The following TCF12 variants were observed in gnomAD, a reference collection of about 807,000 sequenced individuals.
TCF12 encodes the protein transcription factor 12.
A neutral mutation model predicts 86.0 loss-of-function variants in TCF12; 45 were observed. That is an observed-to-expected ratio of 0.52 (90% CI 0.41 to 0.67). The LOEUF is 0.67. TCF12 is among the 30% of genes least tolerant of loss of function. The probability of loss-of-function intolerance (pLI) is 0.00; values close to 1 mark genes in which losing one functional copy is unlikely to be tolerated. For synonymous variants in TCF12, 330 were observed against 299.6 expected, an observed-to-expected ratio of 1.10 and a Z score of -1.05; for missense variants, 881 against 859.9, an observed-to-expected ratio of 1.02 and a Z score of -0.31.
intron 5 of TCF12, among the ~76,000 whole-genome samples, chr15:57,165,626 TC>T (rs2054835374): frequency 6.6e-6 from 1 of 151,804 alleles, no homozygotes; most frequent in Admixed American, 6.6e-5. Context: ...AACCTCCGCC[TC>T]CTGGGTTCAA....
At chr15:57,232,689 A>C in intron 10 of TCF12, 23 bp from the exon 11 acceptor site, 2 of 1,600,682 alleles carry the variant, frequency 1.2e-6, no homozygotes, top group Non-Finnish European at 1.7e-6. Flanking sequence ...TATATTTAAT[A>C]GATCATATCT....
intron 4 of TCF12, among the ~76,000 whole-genome samples, chr15:57,074,934 T>C (rs1467059096): frequency 1.3e-5 from 2 of 152,214 alleles, no homozygotes; most frequent in African/African-American, 4.8e-5. Context: ...TGGTTAGATT[T>C]TTGTGTCATG....
chr15:57,146,368 T>G (rs1007547582), intron 5 of TCF12, among the ~76,000 whole-genome samples: 1 of 152,216 alleles, frequency 6.6e-6, no homozygotes, highest in South Asian at 2.1e-4. Context: ...TTACTAGATA[T>G]ACAAATTTGT....
In TCF12 at chr15:57,140,326, A is replaced by G. The variant is rs181569952; in HGVS notation, c.326-26076A>G. On this transcript the variant is annotated intron_variant, in intron 5 of 20. Coordinates refer to ENST00000333725, the MANE Select transcript of TCF12 (RefSeq NM_207037.2). Reference sequence around the variant, plus strand: ...TGAAATAAGCCAGTCATAAAAAGACAAATACTGTATAATTCCATTTCTGTG... The same window carrying G: ...TGAAATAAGCCAGTCATAAAAAGACGAATACTGTATAATTCCATTTCTGTG... 1.5e-3 allele frequency among the ~76,000 whole-genome samples: 232 copies of G among 152,348 alleles called. 1 individual carries two copies. Among genetic ancestry groups the G allele is most frequent in the Middle Eastern group, 6.8e-3 (2 of 294 alleles).
At chr15:57,170,692 ATATAT>A (rs68069722) in intron 6 of TCF12, among the ~76,000 whole-genome samples, 19,192 of 30,368 alleles carry the variant, frequency 0.63, 4,794 homozygotes, top group Non-Finnish European at 0.66. Flanking sequence ...TATATATAAT[ATATAT>A]TATATATAAT....
chr15:57,023,274 G>A (rs930419912), intron 3 of TCF12, among the ~76,000 whole-genome samples: 30 of 152,164 alleles, frequency 2.0e-4, no homozygotes, highest in African/African-American at 7.2e-4. Context: ...CACTTGATAT[G>A]TGCCAAATAC....
chr15:57,031,875 G>T (rs1471694238), intron 3 of TCF12, among the ~76,000 whole-genome samples: 1 of 152,116 alleles, frequency 6.6e-6, no homozygotes, highest in Admixed American at 6.5e-5. Flanking sequence ...GCAATCACAT[G>T]GTAATGACAT....
chr15:56,953,083 T>G (rs1428827139), intron 3 of TCF12, among the ~76,000 whole-genome samples: 1 of 152,094 alleles, frequency 6.6e-6, no homozygotes, highest in East Asian at 1.9e-4. Flanking sequence ...GCCAGGTATC[T>G]TTTCTCTGTC....
intron 5 of TCF12, among the ~76,000 whole-genome samples, chr15:57,131,729 G>A (rs929429369): frequency 6.6e-6 from 1 of 152,196 alleles, no homozygotes; most frequent in African/African-American, 2.4e-5. Flanking sequence ...GCCACAAAGG[G>A]AGATTATAAA....
At chr15:57,283,421 T>C (rs926660356) in intron 20 of TCF12, among the ~76,000 whole-genome samples, 9 of 152,056 alleles carry the variant, frequency 5.9e-5, no homozygotes, top group African/African-American at 2.2e-4. Flanking sequence ...TGCACCACCA[T>C]GCCCGGCTAA....
At chr15:56,944,873 A>G (rs1430387484) in intron 3 of TCF12, among the ~76,000 whole-genome samples, 1 of 152,174 alleles carries the variant, frequency 6.6e-6, no homozygotes, top group East Asian at 1.9e-4. Flanking sequence ...AAGAGATTCT[A>G]TTTCCATATA....
intron 5 of TCF12, among the ~76,000 whole-genome samples, chr15:57,110,774 A>G (rs995728954): frequency 3.3e-5 from 5 of 152,226 alleles, no homozygotes; most frequent in African/African-American, 1.2e-4. Flanking sequence ...CACTATATAA[A>G]TGAGGAAACT....
chr15:56,928,275 G>T (rs2140240366), intron 3 of TCF12, among the ~76,000 whole-genome samples: 1 of 152,008 alleles, frequency 6.6e-6, no homozygotes, highest in Admixed American at 6.5e-5. Context: ...TTCCTATAAA[G>T]CTGCTTAAAA....
At chr15:57,090,062 A>G (rs1295388905) in intron 4 of TCF12, among the ~76,000 whole-genome samples, 1 of 152,058 alleles carries the variant, frequency 6.6e-6, no homozygotes, top group Non-Finnish European at 1.5e-5. Flanking sequence ...AAAAAATTTT[A>G]AAAATTGATT....
At chr15:57,187,452 A>G (rs148275584) in intron 6 of TCF12, among the ~76,000 whole-genome samples, 4 of 152,346 alleles carry the variant, frequency 2.6e-5, no homozygotes, top group East Asian at 1.9e-4. Context: ...CCACATTAGA[A>G]GAATTATTGT....
At chr15:56,973,230 G>C (rs193176671) in intron 3 of TCF12, among the ~76,000 whole-genome samples, 1 of 152,220 alleles carries the variant, frequency 6.6e-6, no homozygotes, top group Admixed American at 6.5e-5. Context: ...TGAGACAGGT[G>C]TGTACATATA....
chr15:57,120,642 A>T (rs2051164897), intron 5 of TCF12, among the ~76,000 whole-genome samples: 1 of 152,298 alleles, frequency 6.6e-6, no homozygotes, highest in East Asian at 1.9e-4. Context: ...TTATATTTCT[A>T]TATTTTTTTG....
At position 57,219,302 on chromosome 15, in the gene TCF12, A is replaced by T. The variant is rs1001268563; in HGVS notation, c.580-11850A>T. The T allele has an allele frequency of 3.3e-6, 4 of 1,226,358 alleles. No homozygotes were observed. In the East Asian group the frequency reaches 1.3e-4, roughly 39 times the overall value. 76.0% of individuals were successfully genotyped at this position (1,226,358 alleles called of 1,614,324 possible). Reference sequence around the variant, plus strand: ...TTTGTCTTATTGGTATCCTCCACCAATGCAAGGACTTGATGGAAATTGAAA... The same window carrying T: ...TTTGTCTTATTGGTATCCTCCACCATTGCAAGGACTTGATGGAAATTGAAA... On this transcript the variant is annotated intron_variant, in intron 8 of 20. Coordinates refer to ENST00000333725, the MANE Select transcript of TCF12 (RefSeq NM_207037.2).
intron 3 of TCF12, among the ~76,000 whole-genome samples, chr15:57,013,291 C>T (rs2064948505): frequency 6.6e-6 from 1 of 152,118 alleles, no homozygotes; most frequent in African/African-American, 2.4e-5. Flanking sequence ...ATGAGCTTGA[C>T]AAGCAGGTAT....
Sources: allele counts gnomAD v4.1 joint callset (sites outside exome capture counted in the v4.1 genomes callset), GRCh38; gene constraint gnomAD v4.1.1; transcripts MANE v1.5; gene names NCBI Gene and HGNC (gene_info 2026-07-23, HGNC 2026-07-21).